The following DHRS4L2 variants were observed in gnomAD, a reference collection of about 807,000 sequenced individuals.
DHRS4L2 encodes dehydrogenase/reductase SDR family member 4-like 2.
In DHRS4L2, 22 loss-of-function variants were observed where a neutral mutation model predicts 23.9. That is an observed-to-expected ratio of 0.92 (90% CI 0.66 to 1.31). The LOEUF (loss-of-function observed/expected upper bound fraction) is 1.31. DHRS4L2 is among the 40% of genes most tolerant of loss of function. The pLI is 0.00. For synonymous variants in DHRS4L2, 141 were observed against 123.7 expected, an observed-to-expected ratio of 1.14 and a Z score of -0.93; for missense variants, 385 against 303.3, an observed-to-expected ratio of 1.27 and a Z score of -2.00.
intron 2 of DHRS4L2, among the ~76,000 whole-genome samples, chr14:23,993,259 GA>G (rs764614337): frequency 1.3e-5 from 2 of 151,634 alleles, no homozygotes; most frequent in Non-Finnish European, 2.9e-5. Context: ...TTTGTGCCAG[GA>G]TGCCAAAATT....
intron 1 of DHRS4L2, among the ~76,000 whole-genome samples, chr14:23,983,562 C>G (rs1465790957): frequency 6.6e-6 from 1 of 151,656 alleles, no homozygotes; most frequent in Non-Finnish European, 1.5e-5. Context: ...AATCATTCTA[C>G]TATAAAGACA....
At chr14:24,001,275 G>A in intron 5 of DHRS4L2, 109 bp from the exon 6 acceptor site, 2 of 1,564,058 alleles carry the variant, frequency 1.3e-6, no homozygotes, top group Admixed American at 1.8e-5. Context: ...TCCTAACTCT[G>A]CCCCTCCCTT....
At chr14:23,985,852 T>C (rs1267961100), upstream of DHRS4L2, among the ~76,000 whole-genome samples, 1 of 151,382 alleles carries the variant, frequency 6.6e-6, no homozygotes, top group Admixed American at 6.6e-5. Context: ...GTAGCTGGGA[T>C]TACAGGCACA....
At chr14:23,971,843 G>A (rs1384261522) in intron 1 of DHRS4L2, among the ~76,000 whole-genome samples, 1 of 151,998 alleles carries the variant, frequency 6.6e-6, no homozygotes, top group Admixed American at 6.6e-5. Context: ...ACTAAACATG[G>A]AAAGGAACAA....
chr14:23,973,274 T>G (rs1334799614), intron 1 of DHRS4L2, among the ~76,000 whole-genome samples: 1 of 152,012 alleles, frequency 6.6e-6, no homozygotes, highest in Non-Finnish European at 1.5e-5. Flanking sequence ...TGTGGCTTTC[T>G]GCAGTGCATT....
intron 1 of DHRS4L2, among the ~76,000 whole-genome samples, chr14:23,972,254 A>C (rs1158459279): frequency 8.5e-5 from 13 of 152,084 alleles, no homozygotes; most frequent in African/African-American, 3.1e-4. Context: ...AGACATGTTC[A>C]GAGTTTCTTC....
At chr14:23,991,989 CCT>C (rs1397344005) in intron 2 of DHRS4L2, among the ~76,000 whole-genome samples, 2 of 151,474 alleles carry the variant, frequency 1.3e-5, no homozygotes, top group African/African-American at 4.8e-5. Flanking sequence ...ACCCCCTCGG[CCT>C]CTCAAAGTGC....
At chr14:23,988,828 C>T (rs78442944), upstream of DHRS4L2, 44,549 of 1,433,686 alleles carry the variant, frequency 0.031, 1,501 homozygotes, top group Non-Finnish European at 0.036. Flanking sequence ...AGACGACTCC[C>T]AGCTGGCCGA....
At chr14:24,005,763 T>C (rs2034562026) in intron 7 of DHRS4L2, 123 bp from the exon 8 acceptor site, 2 of 1,533,228 alleles carry the variant, frequency 1.3e-6, no homozygotes, top group East Asian at 4.9e-5. Context: ...AGAAAGCTTG[T>C]ACACTGATCC....
At chr14:23,988,776 G>C, upstream of DHRS4L2, 2 of 1,404,386 alleles carry the variant, frequency 1.4e-6, no homozygotes, top group Non-Finnish European at 1.9e-6. Flanking sequence ...GCTGGCTGCG[G>C]GGCGGGGCGA....
At chr14:24,004,025 CATTGGGAGG>C (rs1376560678) in intron 6 of DHRS4L2, among the ~76,000 whole-genome samples, 1 of 122,252 alleles carries the variant, frequency 8.2e-6, no homozygotes, top group Non-Finnish European at 1.6e-5. Context: ...AATCCCAGCA[CATTGGGAGG>C]CCGAGGCGGG....
At chr14:23,984,824 A>AT (rs1448235945), upstream of DHRS4L2, among the ~76,000 whole-genome samples, 1 of 150,568 alleles carries the variant, frequency 6.6e-6, no homozygotes, top group Non-Finnish European at 1.5e-5. Context: ...AAAAAAAAAA[A>AT]AGAATTTAAA....
intron 1 of DHRS4L2, among the ~76,000 whole-genome samples, chr14:23,982,786 C>T (rs565114563): frequency 6.6e-6 from 1 of 151,652 alleles, no homozygotes; most frequent in African/African-American, 2.4e-5. Flanking sequence ...TTCCTTACAC[C>T]TTATACAAAA....
intron 5 of DHRS4L2, 126 bp from the exon 6 acceptor site, chr14:24,001,258 G>T: frequency 6.4e-7 from 1 of 1,566,416 alleles, no homozygotes; most frequent in Admixed American, 1.8e-5. Context: ...TTAGCCACAA[G>T]ACAGTTTCCT....
intron 1 of DHRS4L2, among the ~76,000 whole-genome samples, chr14:23,975,063 T>C (rs1353436397): frequency 2.0e-5 from 3 of 151,676 alleles, no homozygotes; most frequent in Admixed American, 6.6e-5. Flanking sequence ...TTATTCAACA[T>C]AGTATTGGAA....
intron 2 of DHRS4L2, among the ~76,000 whole-genome samples, chr14:23,991,892 C>T (rs1407319413): frequency 2.6e-5 from 4 of 151,374 alleles, no homozygotes; most frequent in South Asian, 2.1e-4. Context: ...TCCACCACCA[C>T]GTCCAGCTAA....
intron 1 of DHRS4L2, among the ~76,000 whole-genome samples, chr14:23,979,216 A>G (rs2034019822): frequency 6.7e-6 from 1 of 149,218 alleles, no homozygotes. Flanking sequence ...ATAATGGTAA[A>G]GGGATCAATT....
intron 6 of DHRS4L2, 98 bp from the exon 7 acceptor site, chr14:24,004,239 G>C (rs1483548979): frequency 1.4e-6 from 2 of 1,439,204 alleles, no homozygotes; most frequent in African/African-American, 1.7e-5. Context: ...ACTACAGTCC[G>C]GCCTGGGCAA....
exon 1 of DHRS4L2, chr14:23,969,897 G>C: frequency 2.3e-6 from 1 of 427,900 alleles, no homozygotes; most frequent in Non-Finnish European, 4.7e-6. Flanking sequence ...CAGCTCTCCG[G>C]GCCGGCGTGG....
Sources: allele counts gnomAD v4.1 joint callset (sites outside exome capture counted in the v4.1 genomes callset), GRCh38; gene constraint gnomAD v4.1.1; transcripts MANE v1.5; gene names NCBI Gene and HGNC (gene_info 2026-07-23, HGNC 2026-07-21).